Variants in ZNF726 observed in about 807,000 individuals in gnomAD.
ZNF726 encodes the protein zinc finger protein 92 pseudogene 3.
In ZNF726, 15 loss-of-function variants were observed where a neutral mutation model predicts 11.6. The ratio of observed to expected loss-of-function variants is 1.29; its 90% CI spans 0.86 to 1.99. The LOEUF is 1.99. ZNF726 is among the 30% of genes most tolerant of loss of function. The pLI is 0.00. For missense variants in ZNF726, 890 were observed against 725.6 expected, an observed-to-expected ratio of 1.23 and a Z score of -2.60; for synonymous variants, 295 against 243.6, an observed-to-expected ratio of 1.21 and a Z score of -1.96.
intron 3 of ZNF726, among the ~76,000 whole-genome samples, chr19:23,921,940 C>T (rs986362663): frequency 2.6e-5 from 4 of 152,066 alleles, no homozygotes; most frequent in Non-Finnish European, 5.9e-5. Flanking sequence ...AATAGTATTG[C>T]GTTGGTGTCT....
Position 23,933,060 on chromosome 19 carries a change from G to A in ZNF726, c.944G>A (p.Cys315Tyr). The A allele has an allele frequency of 2.5e-6, 4 of 1,613,738 alleles. No homozygotes were observed. The highest frequency in any genetic ancestry group is 1.1e-5 in the South Asian group (1 of 91,076). The change falls in exon 4 of 4, where the codon TGT (cysteine) becomes TAT (tyrosine). Residue 315 changes from cysteine (C) to tyrosine (Y), a missense_variant. Physicochemically the swap from Cys to Tyr is radical, Grantham distance 194. Transcript: ENST00000594466. Reference protein sequence around the residue: ...RMHIGEKPYKCEECGKAFVWS... With the variant: ...RMHIGEKPYKYEECGKAFVWS... ...CACATTGGAGAGAAACCCTACAAATGTGAAGAATGTGGCAAAGCATTTGTT... is the reference window on the plus strand; with the variant it reads ...CACATTGGAGAGAAACCCTACAAATATGAAGAATGTGGCAAAGCATTTGTT...
chr19:23,920,104 A>G (rs1967806264), intron 3 of ZNF726, 22 bp downstream of exon 3: 2 of 1,522,512 alleles, frequency 1.3e-6, no homozygotes, highest in Non-Finnish European at 1.8e-6. Flanking sequence ...TGAATACAAC[A>G]GATGACCTGG....
intron 3 of ZNF726, among the ~76,000 whole-genome samples, chr19:23,925,713 CT>C (rs1207103965): frequency 0.22 from 24,395 of 112,438 alleles, 1,917 homozygotes; most frequent in African/African-American, 0.39. Flanking sequence ...TTTTTCTTTT[CT>C]TTTTTTTTTT....
At chr19:23,937,583 G>C (rs1286702514), downstream of ZNF726, among the ~76,000 whole-genome samples, 1 of 143,886 alleles carries the variant, frequency 6.9e-6, no homozygotes, top group East Asian at 2.0e-4. Flanking sequence ...TTCCCAGATG[G>C]GATGGCGGCC....
In ZNF726 at chr19:23,934,147, G is replaced by A; in HGVS notation, c.*180G>A. 2.2e-6 allele frequency: 2 copies of A among 916,664 alleles called. No homozygotes were observed. Among genetic ancestry groups the A allele is most frequent in the Non-Finnish European group, 3.6e-6 (2 of 560,872 alleles). The allele number at this position is 916,664 out of a possible 1,614,324, so 56.8% of individuals were successfully genotyped here. ...CACTGGAGAGAAACCTTACAAGTGT[G>A]AAGAATGTGGGAAAGCTTTTAATCA... On this transcript the variant is annotated 3_prime_UTR_variant, in exon 4 of 4. Transcript: ENST00000594466.
At chr19:23,937,572 C>T (rs1035784210), downstream of ZNF726, among the ~76,000 whole-genome samples, 61 of 149,976 alleles carry the variant, frequency 4.1e-4, no homozygotes, top group Admixed American at 3.9e-3. Flanking sequence ...ACGCTCCTCA[C>T]TTCCCAGATG....
rs145937160 is a variant in ZNF726, at chr19:23,925,577, T to C, written c.226+5495T>C. 3.2e-3 allele frequency among the ~76,000 whole-genome samples: 493 copies of C among 152,304 alleles called. 1 individual carries two copies. Among genetic ancestry groups the C allele is most frequent in the Non-Finnish European group, 4.5e-3 (304 of 68,028 alleles). On this transcript the variant is annotated intron_variant, in intron 3 of 3. Coordinates refer to ENST00000594466, the MANE Select transcript of ZNF726 (RefSeq NM_001244038.2). ...CCATTTAAATGAGTGTGAGGGGATT[T>C]TGTTTTTTATTATGACTTTTATGCA...
chr19:23,925,457 G>A (rs1424968089), intron 3 of ZNF726, among the ~76,000 whole-genome samples: 2 of 152,034 alleles, frequency 1.3e-5, no homozygotes, highest in East Asian at 1.9e-4. Flanking sequence ...CTCCCAAAGT[G>A]CTGGGATTAC....
intron 3 of ZNF726, among the ~76,000 whole-genome samples, chr19:23,925,349 C>G (rs1296821897): frequency 1.3e-5 from 2 of 152,058 alleles, no homozygotes; most frequent in African/African-American, 2.4e-5. Context: ...CACCGACAAT[C>G]AACCCAACTA....
chr19:23,919,562 T>C (rs1263069009), intron 2 of ZNF726, 63 bp downstream of exon 2: 1 of 1,494,244 alleles, frequency 6.7e-7, no homozygotes, highest in Non-Finnish European at 8.9e-7. Context: ...TCTTTTGTAG[T>C]ATGTTTTCTG....
chr19:23,932,939 C>A lies in ZNF726; in HGVS notation c.823C>A (p.His275Asn). 1 of 1,611,514 alleles carries A rather than the reference C, an allele frequency of 6.2e-7. No homozygotes were observed. The highest frequency in any genetic ancestry group is 1.7e-5 in the Admixed American group (1 of 59,762). Residue 275 changes from histidine to asparagine, a missense_variant, in exon 4 of 4, where the codon CAT becomes AAT. Physicochemically the swap from His to Asn is moderately conservative, Grantham distance 68. Coordinates refer to ENST00000594466, the MANE Select transcript of ZNF726 (RefSeq NM_001244038.2). ...TAGCCAATCCTCAACACTAACCATA[C>A]ATAAGAGGATACATACTGGAGAGAA... ...AFSQSSTLTI[H>N]KRIHTGEKPC...
chr19:23,928,594 A>C (rs1011180328), intron 3 of ZNF726: 2 of 152,128 alleles, frequency 1.3e-5, no homozygotes, highest in Non-Finnish European at 2.9e-5. Flanking sequence ...TGTTTGTCTC[A>C]CGTTAGCACT....
At chr19:23,920,288 A>C in intron 3 of ZNF726, 1 of 359,340 alleles carries the variant, frequency 2.8e-6, no homozygotes, top group South Asian at 2.5e-5. Context: ...CCCTTCAATG[A>C]TCTTCCTTAA....
At chr19:23,921,270 T>A (rs566486439) in intron 3 of ZNF726, 1 of 150,296 alleles carries the variant, frequency 6.7e-6, no homozygotes, top group East Asian at 1.9e-4. Context: ...TACTTTAGCC[T>A]GGGCGGCAGA....
intron 4 of ZNF726, chr19:23,944,454 A>G (rs938742820): frequency 6.5e-6 from 1 of 152,790 alleles, no homozygotes; most frequent in African/African-American, 2.4e-5. Flanking sequence ...GGCTATTTGC[A>G]TGTCTTTATT....
chr19:23,917,277 C>T (rs1967724455), intron 1 of ZNF726, among the ~76,000 whole-genome samples: 1 of 152,138 alleles, frequency 6.6e-6, no homozygotes, highest in South Asian at 2.1e-4. Flanking sequence ...CTGTGTATTG[C>T]ATTTTATTAG....
intron 3 of ZNF726, among the ~76,000 whole-genome samples, chr19:23,922,680 A>G (rs1967881897): frequency 6.6e-6 from 1 of 152,206 alleles, no homozygotes; most frequent in African/African-American, 2.4e-5. Context: ...CTTTAGCAGA[A>G]TTTCACAACT....
intron 3 of ZNF726, among the ~76,000 whole-genome samples, chr19:23,927,325 A>T (rs1968010178): frequency 6.6e-6 from 1 of 152,186 alleles, no homozygotes; most frequent in South Asian, 2.1e-4. Flanking sequence ...TTGAAAAATT[A>T]ATGTTTTTTT....
chr19:23,918,870 A>G (rs562574260), intron 1 of ZNF726, among the ~76,000 whole-genome samples: 48 of 152,198 alleles, frequency 3.2e-4, no homozygotes, highest in Admixed American at 6.5e-4. Flanking sequence ...TTTGGGGCCA[A>G]AACATTTGCA....
Sources: allele counts gnomAD v4.1 joint callset (sites outside exome capture counted in the v4.1 genomes callset), GRCh38; gene constraint gnomAD v4.1.1; transcripts MANE v1.5; gene names NCBI Gene and HGNC (gene_info 2026-07-23, HGNC 2026-07-21).